Variants in TRMT44 observed in about 807,000 individuals in gnomAD.
TRMT44 encodes probable tRNA (uracil-O(2)-)-methyltransferase.
Under a neutral mutation model 77.3 loss-of-function variants are expected in TRMT44, and 78 were observed. The observed-to-expected ratio is 1.01, with a 90% confidence interval of 0.84 to 1.22. The LOEUF is 1.22. TRMT44 is among the 50% of genes most tolerant of loss of function. The pLI is 0.00. For missense variants in TRMT44, 1,090 were observed against 964.4 expected (o/e 1.13, Z -1.73); for synonymous variants, 391 against 383.3 (o/e 1.02, Z -0.23).
chr4:8,499,000 T>C, the TRMT44 span, among the ~76,000 whole-genome samples: 4 of 151,918 alleles, frequency 2.6e-5, no homozygotes, highest in African/African-American at 9.7e-5. The surrounding 1 kb of genome is among the most constrained non-coding windows in gnomAD (Gnocchi z 4.3). Context: ...GTTTGTCTTT[T>C]CCCCTCTCTG....
chr4:8,511,144 G>A, the TRMT44 span: 1 of 152,270 alleles, frequency 6.6e-6, no homozygotes, highest in Non-Finnish European at 1.5e-5. Flanking sequence ...GCAGCGTGGG[G>A]GAAGTGTCTA....
chr4:8,448,877 G>A (rs553911630), intron 2 of TRMT44, among the ~76,000 whole-genome samples: 61 of 152,338 alleles, frequency 4.0e-4, no homozygotes, highest in Non-Finnish European at 7.6e-4. Flanking sequence ...GCTCTGCCCC[G>A]CTCACCCAGT....
chr4:8,496,773 A>C (rs1013316718), downstream of TRMT44, among the ~76,000 whole-genome samples: 2 of 151,590 alleles, frequency 1.3e-5, no homozygotes, highest in African/African-American at 4.9e-5. Context: ...TTAGGAGTTC[A>C]GTGATTTTTT....
At chr4:8,453,877 G>A (rs4696828) in intron 5 of TRMT44, among the ~76,000 whole-genome samples, 43,907 of 152,054 alleles carry the variant, frequency 0.29, 7,223 homozygotes, top group Admixed American at 0.4. Flanking sequence ...GATAGGCTGC[G>A]CATATTTGTC....
At chr4:8,469,750 A>T (rs1726856163) in intron 9 of TRMT44, among the ~76,000 whole-genome samples, 1 of 152,176 alleles carries the variant, frequency 6.6e-6, no homozygotes, top group African/African-American at 2.4e-5. Flanking sequence ...GGGACTCTCC[A>T]CGTGGCCTTG....
chr4:8,460,177 C>A (rs906269637), intron 6 of TRMT44, among the ~76,000 whole-genome samples: 1 of 152,144 alleles, frequency 6.6e-6, no homozygotes, highest in Admixed American at 6.5e-5. Context: ...CCTCAGGAGC[C>A]GTCCTAGGAC....
intron 2 of TRMT44, among the ~76,000 whole-genome samples, chr4:8,481,610 G>T (rs1202927907): frequency 6.6e-6 from 1 of 152,188 alleles, no homozygotes; most frequent in African/African-American, 2.4e-5. Flanking sequence ...CTCCCAAAGT[G>T]CTGGGGTTAC....
At chr4:8,478,314 GGT>G (rs1258020055), downstream of TRMT44, 1 of 152,786 alleles carries the variant, frequency 6.5e-6, no homozygotes, top group African/African-American at 2.4e-5. Flanking sequence ...GGGCATGTGG[GGT>G]GGCCCTGGCT....
chr4:8,496,288 G>A (rs2109243182), downstream of TRMT44, among the ~76,000 whole-genome samples: 1 of 152,304 alleles, frequency 6.6e-6, no homozygotes, highest in Non-Finnish European at 1.5e-5. Flanking sequence ...TTTGTATGAT[G>A]TGTCCAATTC....
At chr4:8,486,274 C>T (rs1032548032) in intron 2 of TRMT44, among the ~76,000 whole-genome samples, 8 of 152,304 alleles carry the variant, frequency 5.3e-5, no homozygotes, top group East Asian at 1.9e-4. Flanking sequence ...TCTGGAGGAA[C>T]GCCTGGCCAC....
At chr4:8,471,264 A>C (rs1032435414) in intron 10 of TRMT44, 64 bp downstream of exon 10, 1 of 1,203,442 alleles carries the variant, frequency 8.3e-7, no homozygotes. Flanking sequence ...CAGTTAAATA[A>C]TGTTTTATTT....
intron 6 of TRMT44, among the ~76,000 whole-genome samples, chr4:8,463,503 C>CT (rs777660215): frequency 1.3e-5 from 2 of 152,194 alleles, no homozygotes; most frequent in Non-Finnish European, 2.9e-5. Flanking sequence ...TGTAAATTCT[C>CT]TGTCTATTCA....
chr4:8,445,565 G>C (rs1411671242), intron 1 of TRMT44, among the ~76,000 whole-genome samples: 4 of 152,174 alleles, frequency 2.6e-5, no homozygotes, highest in African/African-American at 9.7e-5. Flanking sequence ...TCTTCCAGGT[G>C]CCCCATGGCA....
At chr4:8,513,349 C>T in the TRMT44 span, among the ~76,000 whole-genome samples, 14 of 152,174 alleles carry the variant, frequency 9.2e-5, no homozygotes, top group African/African-American at 1.9e-4. Flanking sequence ...CTCATGAACT[C>T]GTTCACTATC....
chr4:8,468,011 C>T lies in TRMT44; in HGVS notation c.1592C>T (p.Pro531Leu), dbSNP rs766971175. 1.2e-6 allele frequency: 2 copies of T among 1,614,066 alleles called. No homozygotes were observed. Among genetic ancestry groups the T allele is most frequent in the East Asian group, 4.5e-5 (2 of 44,884 alleles). Residue 531 changes from proline to leucine, a missense_variant, in exon 9 of 11, where the codon CCT (proline) becomes CTT (leucine). Pro to Leu is a moderately conservative substitution (Grantham distance 98, BLOSUM62 -3). Coordinates refer to ENST00000389737, the MANE Select transcript of TRMT44 (RefSeq NM_152544.3). ...TQYIKSRRGC[P>L]VSPPGWELSP... ...TACATTAAGAGCAGGCGGGGCTGCC[C>T]TGTAAGCCCACCTGGCTGGGAGCTT...
chr4:8,465,170 A>G (rs1451919971), intron 7 of TRMT44, among the ~76,000 whole-genome samples: 1 of 152,226 alleles, frequency 6.6e-6, no homozygotes, highest in East Asian at 1.9e-4. Flanking sequence ...AGCATCTTGC[A>G]GTACACCCAT....
At chr4:8,482,980 G>A (rs1369886520) in intron 2 of TRMT44, among the ~76,000 whole-genome samples, 5 of 152,152 alleles carry the variant, frequency 3.3e-5, no homozygotes, top group Non-Finnish European at 7.3e-5. Flanking sequence ...GGGGCGGTGT[G>A]GGAACCTAGA....
rs1167741001 is a variant in TRMT44, at chr4:8,476,164, C to A, written c.*163C>A. The A allele has an allele frequency of 5.9e-6, 4 of 672,742 alleles. No homozygotes were observed. In the East Asian group the frequency reaches 1.1e-4, roughly 18 times the overall value. The allele number at this position is 672,742 out of a possible 1,614,324, so 41.7% of individuals were successfully genotyped here. On this transcript the variant is annotated 3_prime_UTR_variant, in exon 11 of 11. Coordinates refer to ENST00000389737, the MANE Select transcript of TRMT44 (RefSeq NM_152544.3). ...GATGAACCGTATTTCATAAACATCACACGCCAGAGAAGCCACAGTTACTCG... is the reference window on the plus strand; with the variant it reads ...GATGAACCGTATTTCATAAACATCAAACGCCAGAGAAGCCACAGTTACTCG...
rs971087936 is a variant in TRMT44, at chr4:8,449,774, G to C, written c.840G>C (p.Lys280Asn). 3.3e-6 allele frequency: 5 copies of C among 1,535,894 alleles called. No individual in the cohort carries two copies. In the African/African-American group the frequency reaches 6.8e-5, roughly 21 times the overall value. Residue 280 changes from lysine to asparagine, a missense_variant, in exon 3 of 11, where the codon AAG becomes AAC. By Grantham distance (94) the Lys-to-Asn change is moderately conservative. Coordinates refer to ENST00000389737, the MANE Select transcript of TRMT44 (RefSeq NM_152544.3). ...AAGAGTTGCTGGCCAAGTTGGCCAA[G>C]TGGTCTGTAGAGAACAAGAAGAGTG... ...LGEELLAKLAKWSVENKKSDF... is the reference protein window; with the variant it reads ...LGEELLAKLANWSVENKKSDF...
Sources: allele counts gnomAD v4.1 joint callset (sites outside exome capture counted in the v4.1 genomes callset), GRCh38; gene constraint gnomAD v4.1.1; non-coding constraint Gnocchi (gnomAD v3.1); transcripts MANE v1.5; gene names NCBI Gene and HGNC (gene_info 2026-07-23, HGNC 2026-07-21).